The following HIPK2 variants were observed in gnomAD, a reference collection of about 807,000 sequenced individuals.
HIPK2 encodes the protein homeodomain-interacting protein kinase 2.
Under a neutral mutation model 113.7 loss-of-function variants are expected in HIPK2, and 27 were observed. The observed-to-expected ratio is 0.24, with a 90% CI of 0.17 to 0.33. The LOEUF is 0.33. HIPK2 is among the 10% of genes least tolerant of loss of function. The pLI is 1.00. For synonymous variants in HIPK2, 631 were observed against 642.2 expected, an observed-to-expected ratio of 0.98 and a Z score of 0.26; for missense variants, 1,257 against 1,588.0, an observed-to-expected ratio of 0.79 and a Z score of 3.54.
chr7:139,672,738 G>T (rs1772872621), intron 2 of HIPK2, among the ~76,000 whole-genome samples: 1 of 152,158 alleles, frequency 6.6e-6, no homozygotes, highest in African/African-American at 2.4e-5. Context: ...GGGATTACAG[G>T]CATGAGCCAC....
chr7:139,747,981 A>G (rs1398839473), intron 1 of HIPK2, among the ~76,000 whole-genome samples: 1 of 152,240 alleles, frequency 6.6e-6, no homozygotes, highest in Non-Finnish European at 1.5e-5. Flanking sequence ...GGAAAGCTCT[A>G]TCAGGCAGAG....
intron 7 of HIPK2, among the ~76,000 whole-genome samples, chr7:139,617,418 C>T (rs1034826295): frequency 2.6e-5 from 4 of 152,150 alleles, no homozygotes; most frequent in African/African-American, 9.7e-5. Context: ...AGAAGTGATT[C>T]CTGGAAGCAG....
At chr7:139,591,116 G>A (rs1280298288) in intron 12 of HIPK2, among the ~76,000 whole-genome samples, 3 of 152,130 alleles carry the variant, frequency 2.0e-5, no homozygotes, top group Non-Finnish European at 4.4e-5. Flanking sequence ...CCAAGTGCTG[G>A]GATTCCAGGT....
intron 2 of HIPK2, among the ~76,000 whole-genome samples, chr7:139,698,807 A>G (rs1197249029): frequency 6.6e-6 from 1 of 152,208 alleles, no homozygotes; most frequent in Non-Finnish European, 1.5e-5. Flanking sequence ...GAAAGGTTCC[A>G]GTCTAGCTCC....
chr7:139,593,644 G>A (rs944644732), intron 12 of HIPK2, among the ~76,000 whole-genome samples: 5 of 152,220 alleles, frequency 3.3e-5, no homozygotes, highest in Non-Finnish European at 7.3e-5. Flanking sequence ...CTGCCAAGCT[G>A]AGGCTGAGCC....
intron 2 of HIPK2, among the ~76,000 whole-genome samples, chr7:139,700,120 C>A (rs1329303966): frequency 6.6e-6 from 1 of 152,064 alleles, no homozygotes; most frequent in South Asian, 2.1e-4. Context: ...CTTGCCTGTG[C>A]GAGGTGGGGG....
chr7:139,606,088 T>C (rs1799606943), intron 9 of HIPK2, among the ~76,000 whole-genome samples: 2 of 152,222 alleles, frequency 1.3e-5, no homozygotes, highest in African/African-American at 4.8e-5. Flanking sequence ...CTCAAAGAGA[T>C]AGGGTAGAAA....
intron 2 of HIPK2, among the ~76,000 whole-genome samples, chr7:139,686,884 A>G (rs1794238284): frequency 1.3e-5 from 2 of 152,258 alleles, no homozygotes; most frequent in Admixed American, 1.3e-4. Context: ...CATGCTACAG[A>G]GAACTCTTTC....
intron 2 of HIPK2, among the ~76,000 whole-genome samples, chr7:139,679,465 T>C (rs1802620658): frequency 6.6e-6 from 1 of 151,952 alleles, no homozygotes; most frequent in Non-Finnish European, 1.5e-5. Flanking sequence ...GAAGTGTAAA[T>C]GGGGTTAGGA....
intron 2 of HIPK2, among the ~76,000 whole-genome samples, chr7:139,709,482 T>C (rs894493139): frequency 2.6e-5 from 4 of 152,372 alleles, no homozygotes; most frequent in African/African-American, 9.6e-5. Flanking sequence ...GCCCAGAGCA[T>C]GGCATTTTAG....
chr7:139,651,589 A>G (rs1801459378), intron 2 of HIPK2, among the ~76,000 whole-genome samples: 1 of 152,162 alleles, frequency 6.6e-6, no homozygotes, highest in Non-Finnish European at 1.5e-5. Flanking sequence ...GAGGCACTTG[A>G]GTTCGTGACT....
chr7:139,623,951 T>C (rs1439090804), intron 6 of HIPK2, among the ~76,000 whole-genome samples: 4 of 152,136 alleles, frequency 2.6e-5, no homozygotes, highest in Non-Finnish European at 5.9e-5. Context: ...ATTTATTCTT[T>C]TACATCCCAA....
intron 1 of HIPK2, among the ~76,000 whole-genome samples, chr7:139,758,923 T>C (rs1002492002): frequency 6.6e-6 from 1 of 152,008 alleles, no homozygotes; most frequent in Non-Finnish European, 1.5e-5. Context: ...CTCTCCAACT[T>C]TGACTAAAAA....
chr7:139,677,020 C>T (rs1802524896), intron 2 of HIPK2, among the ~76,000 whole-genome samples: 2 of 151,988 alleles, frequency 1.3e-5, no homozygotes, highest in South Asian at 4.1e-4. Context: ...CACCACCACA[C>T]CTGGCTAATT....
At chr7:139,602,110 G>T (rs1799449685) in intron 10 of HIPK2, among the ~76,000 whole-genome samples, 1 of 151,844 alleles carries the variant, frequency 6.6e-6, no homozygotes, top group Non-Finnish European at 1.5e-5. Flanking sequence ...GCACTGCCAC[G>T]CCCAGCTAAT....
At chr7:139,585,372 G>A (rs1051699979) in intron 12 of HIPK2, among the ~76,000 whole-genome samples, 4 of 152,242 alleles carry the variant, frequency 2.6e-5, no homozygotes, top group African/African-American at 7.2e-5. Flanking sequence ...AGAAGGCTGG[G>A]GGATCTGGGG....
At chr7:139,712,082 T>C (rs1295826458) in intron 2 of HIPK2, among the ~76,000 whole-genome samples, 3 of 152,138 alleles carry the variant, frequency 2.0e-5, no homozygotes, top group Non-Finnish European at 4.4e-5. Flanking sequence ...CTGTGCACAG[T>C]AAAGCCTGAG....
intron 2 of HIPK2, among the ~76,000 whole-genome samples, chr7:139,640,085 T>A (rs1351337423): frequency 6.6e-6 from 1 of 152,194 alleles, no homozygotes; most frequent in African/African-American, 2.4e-5. Flanking sequence ...CATGGAACCA[T>A]CTTAAAGAAT....
intron 2 of HIPK2, among the ~76,000 whole-genome samples, chr7:139,703,206 C>T (rs1007694276): frequency 3.9e-5 from 6 of 152,044 alleles, no homozygotes; most frequent in East Asian, 3.8e-4. Flanking sequence ...ATTTTAAAAA[C>T]GGAAAGTTCT....
Sources: allele counts gnomAD v4.1 joint callset (sites outside exome capture counted in the v4.1 genomes callset), GRCh38; gene constraint gnomAD v4.1.1; transcripts MANE v1.5; gene names NCBI Gene and HGNC (gene_info 2026-07-23, HGNC 2026-07-21).